ARHGAP42: variants seen among roughly 807,000 people sequenced by gnomAD.
ARHGAP42 encodes the protein Rho GTPase activating protein 42.
Under a neutral mutation model 125.0 loss-of-function variants are expected in ARHGAP42, and 63 were observed. The ratio of observed to expected loss-of-function variants is 0.50; its 90% CI spans 0.41 to 0.62. The LOEUF is 0.62. Among genes scored for constraint, ARHGAP42 ranks in the 20% least tolerant of loss-of-function variants. ARHGAP42 has a pLI of 0.00. For missense variants in ARHGAP42, 766 were observed against 1,024.2 expected, an observed-to-expected ratio of 0.75 and a Z score of 3.44; for synonymous variants, 339 against 351.0, an observed-to-expected ratio of 0.97 and a Z score of 0.38.
At chr11:100,864,425 G>A (rs1285745351) in intron 4 of ARHGAP42, among the ~76,000 whole-genome samples, 2 of 151,930 alleles carry the variant, frequency 1.3e-5, no homozygotes, top group East Asian at 1.9e-4. Flanking sequence ...CAAGTGATCC[G>A]CCCGCCTCAG....
chr11:100,910,572 A>G (rs183145568), intron 4 of ARHGAP42, among the ~76,000 whole-genome samples: 1 of 152,056 alleles, frequency 6.6e-6, no homozygotes, highest in East Asian at 1.9e-4. Flanking sequence ...TATTTCAGAG[A>G]AAATTCTTAG....
chr11:100,822,070 C>A (rs1864417670), intron 3 of ARHGAP42, among the ~76,000 whole-genome samples: 1 of 152,050 alleles, frequency 6.6e-6, no homozygotes, highest in Non-Finnish European at 1.5e-5. Context: ...CTAAGGGAAT[C>A]CTTCCATAAG....
chr11:100,928,013 T>G (rs181811977), intron 6 of ARHGAP42, among the ~76,000 whole-genome samples: 356 of 152,340 alleles, frequency 2.3e-3, no homozygotes, highest in Non-Finnish European at 3.7e-3. Flanking sequence ...TGAACTCCTT[T>G]GCACATCTAT....
At chr11:100,976,007 A>G (rs978540418) in intron 19 of ARHGAP42, 50 bp from the exon 20 acceptor site, 9 of 1,457,664 alleles carry the variant, frequency 6.2e-6, no homozygotes, top group Non-Finnish European at 7.3e-6. Flanking sequence ...TGATGCTGTT[A>G]TCAATAGATA....
At chr11:100,920,096 C>T (rs1867194436) in intron 5 of ARHGAP42, among the ~76,000 whole-genome samples, 2 of 152,078 alleles carry the variant, frequency 1.3e-5, no homozygotes, top group African/African-American at 4.8e-5. Context: ...CTTTTTTGCA[C>T]CTCTATCTTT....
At chr11:100,972,738 G>T (rs1858282912) in intron 17 of ARHGAP42, among the ~76,000 whole-genome samples, 1 of 152,086 alleles carries the variant, frequency 6.6e-6, no homozygotes, top group Non-Finnish European at 1.5e-5. Flanking sequence ...AGGAATATCT[G>T]ACTTACTGGG....
intron 3 of ARHGAP42, among the ~76,000 whole-genome samples, chr11:100,831,814 A>G (rs779645059): frequency 6.6e-6 from 1 of 152,216 alleles, no homozygotes; most frequent in Non-Finnish European, 1.5e-5. Flanking sequence ...CATGGCAAAT[A>G]TATTTCTTCA....
chr11:100,887,409 T>A (rs181937681), intron 4 of ARHGAP42, among the ~76,000 whole-genome samples: 1 of 152,322 alleles, frequency 6.6e-6, no homozygotes, highest in African/African-American at 2.4e-5. Flanking sequence ...TGATCTCTCC[T>A]CTGAGATTTG....
intron 2 of ARHGAP42, among the ~76,000 whole-genome samples, chr11:100,778,905 C>A (rs907521768): frequency 6.6e-6 from 1 of 152,034 alleles, no homozygotes. Context: ...CTTTGTTCTG[C>A]CCAACAAAAA....
intron 4 of ARHGAP42, among the ~76,000 whole-genome samples, chr11:100,868,917 G>A (rs996353176): frequency 6.6e-6 from 1 of 151,938 alleles, no homozygotes; most frequent in African/African-American, 2.4e-5. Context: ...GTACTAAAAT[G>A]TTAATTGTTT....
intron 3 of ARHGAP42, among the ~76,000 whole-genome samples, chr11:100,799,052 A>T (rs1224083834): frequency 6.6e-6 from 1 of 152,220 alleles, no homozygotes; most frequent in Admixed American, 6.5e-5. Context: ...TAGAAGGTTA[A>T]TTAATAGTTG....
intron 3 of ARHGAP42, among the ~76,000 whole-genome samples, chr11:100,832,313 A>G (rs1446620699): frequency 6.6e-6 from 1 of 152,232 alleles, no homozygotes; most frequent in African/African-American, 2.4e-5. Context: ...TGTAGCTGAT[A>G]TTCTAGGCAG....
At chr11:100,904,980 A>G (rs547709903) in intron 4 of ARHGAP42, among the ~76,000 whole-genome samples, 5 of 152,360 alleles carry the variant, frequency 3.3e-5, no homozygotes, top group South Asian at 2.1e-4. Flanking sequence ...ATGGGTATTT[A>G]CTAAAAGCTC....
At position 100,705,017 on chromosome 11, in the gene ARHGAP42, A is replaced by ACAACAACAAC. The variant is rs61338891; in HGVS notation, c.154+17185_154+17186insCAACAACAAC. Among the ~76,000 whole-genome samples, 17 of 127,386 alleles carry ACAACAACAAC rather than the reference A, an allele frequency of 1.3e-4. 1 individual carries two copies. Among genetic ancestry groups the ACAACAACAAC allele is most frequent in the African/African-American group, 5.0e-4 (16 of 32,278 alleles). 83.6% of individuals were successfully genotyped at this position (127,386 alleles called of 152,430 possible). ...AAACCCCAACAACAACAACAACAAAAAAAAAAAAAAAAAAAAGAGAGAAGA... is the reference window on the plus strand; with the variant it reads ...AAACCCCAACAACAACAACAACAAAACAACAACAACAAAAAAAAAAAAAAAAGAGAGAAGA... On this transcript the variant is annotated intron_variant, in intron 1 of 23. Transcript: ENST00000298815.
intron 3 of ARHGAP42, among the ~76,000 whole-genome samples, chr11:100,812,592 G>A (rs1864173121): frequency 6.6e-6 from 1 of 152,204 alleles, no homozygotes; most frequent in Admixed American, 6.5e-5. Flanking sequence ...GTGAGTAAAT[G>A]TCATTTAAGC....
At chr11:100,827,002 CTTTTT>C (rs869260353) in intron 3 of ARHGAP42, among the ~76,000 whole-genome samples, 2 of 80,886 alleles carry the variant, frequency 2.5e-5, no homozygotes, top group African/African-American at 4.9e-5. Flanking sequence ...GCCTTACATC[CTTTTT>C]TTTTTTTTTT....
At position 100,992,770 on chromosome 11, in the gene ARHGAP42, T is replaced by A; in HGVS notation, c.*3969T>A. On this transcript the variant is annotated 3_prime_UTR_variant, in exon 24 of 24. Transcript: ENST00000298815. ...TTGAGGGCAGCTGCCCTCACTGTTTTAAATAAAGAATCTTACATAAGAATG... is the reference window on the plus strand; with the variant it reads ...TTGAGGGCAGCTGCCCTCACTGTTTAAAATAAAGAATCTTACATAAGAATG... 1 of 1,462,122 alleles carries A rather than the reference T, an allele frequency of 6.8e-7. No individual in the cohort carries two copies. Among genetic ancestry groups the A allele is most frequent in the Non-Finnish European group, 9.2e-7 (1 of 1,085,428 alleles). The allele number at this position is 1,462,122 out of a possible 1,614,324, so 90.6% of individuals were successfully genotyped here.
chr11:100,974,060 A>C (rs1858324074), intron 18 of ARHGAP42, among the ~76,000 whole-genome samples: 1 of 152,206 alleles, frequency 6.6e-6, no homozygotes, highest in Admixed American at 6.5e-5. Context: ...TTGGCAGCTC[A>C]GAGCCAACAG....
chr11:100,882,118 C>T (rs1865977434), intron 4 of ARHGAP42, among the ~76,000 whole-genome samples: 1 of 152,170 alleles, frequency 6.6e-6, no homozygotes, highest in Admixed American at 6.5e-5. Context: ...GCTAGGACTT[C>T]CGGCACTATG....
Sources: allele counts gnomAD v4.1 joint callset (sites outside exome capture counted in the v4.1 genomes callset), GRCh38; gene constraint gnomAD v4.1.1; transcripts MANE v1.5; gene names NCBI Gene and HGNC (gene_info 2026-07-23, HGNC 2026-07-21).